Variants in GLI2 observed in about 807,000 individuals in gnomAD.
GLI2 encodes the protein GLI family zinc finger 2.
Under a neutral mutation model 78.9 loss-of-function variants are expected in GLI2, and 22 were observed. The observed-to-expected ratio is 0.28, with a 90% confidence interval of 0.20 to 0.40. GLI2 has a LOEUF of 0.40. Among genes scored for constraint, GLI2 ranks in the 10% least tolerant of loss-of-function variants. The pLI is 1.00. For missense variants in GLI2, 2,097 were observed against 2,213.2 expected (o/e 0.95, Z 1.05); for synonymous variants, 974 against 963.7 (o/e 1.01, Z -0.20).
chr2:120,911,904 G>A (rs1441863594), intron 2 of GLI2, among the ~76,000 whole-genome samples: 1 of 152,154 alleles, frequency 6.6e-6, no homozygotes, highest in African/African-American at 2.4e-5. Context: ...TTGACCCTGG[G>A]GCTGGGAGAG....
At chr2:120,876,510 A>G (rs1688755317) in intron 2 of GLI2, among the ~76,000 whole-genome samples, 1 of 152,160 alleles carries the variant, frequency 6.6e-6, no homozygotes, top group Non-Finnish European at 1.5e-5. Context: ...AAATGAGATC[A>G]AATCTCACCA....
At chr2:120,747,978 G>A (rs557643558) in intron 1 of GLI2, among the ~76,000 whole-genome samples, 2 of 152,316 alleles carry the variant, frequency 1.3e-5, no homozygotes, top group South Asian at 4.1e-4. Flanking sequence ...TTATGTGCCC[G>A]GCACTTATTA....
chr2:120,966,328 C>G (rs1202115248), intron 5 of GLI2, among the ~76,000 whole-genome samples: 3 of 152,118 alleles, frequency 2.0e-5, no homozygotes, highest in African/African-American at 7.2e-5. Flanking sequence ...ACAATTTGCC[C>G]CAAGTCATGC....
chr2:120,795,568 T>TA (rs1402168834), intron 1 of GLI2, among the ~76,000 whole-genome samples: 1 of 151,170 alleles, frequency 6.6e-6, no homozygotes, highest in Non-Finnish European at 1.5e-5. Flanking sequence ...ACAGAAAAGT[T>TA]ATAGGGCCTA....
In GLI2 at chr2:120,941,919, G is replaced by T. The variant is rs192258675; in HGVS notation, c.255-9324G>T. Among the ~76,000 whole-genome samples the T allele has an allele frequency of 3.8e-3, 585 of 152,288 alleles. 17 individuals are homozygous for T. Among genetic ancestry groups the T allele is most frequent in the Admixed American group, 0.034 (522 of 15,290 alleles). The stretch of plus-strand genomic sequence containing the variant: ...ATCCAGGCGGCAGGGGGGAAAGCCC[G>T]CTCCACAGCCCTGTGCACATGGGGA... On this transcript the variant is annotated intron_variant, in intron 3 of 13. Transcript: ENST00000361492.
intron 2 of GLI2, among the ~76,000 whole-genome samples, chr2:120,872,516 G>A (rs1688516617): frequency 6.6e-6 from 1 of 152,234 alleles, no homozygotes; most frequent in Admixed American, 6.5e-5. Context: ...CATGCTGGCT[G>A]TGTGTGGTCA....
chr2:120,787,235 C>G (rs113584882), intron 1 of GLI2, among the ~76,000 whole-genome samples: 2 of 152,048 alleles, frequency 1.3e-5, no homozygotes, highest in Non-Finnish European at 2.9e-5. Flanking sequence ...AGCATGACTG[C>G]GGTGGAATGG....
At chr2:120,904,944 C>G (rs1367999874) in intron 2 of GLI2, among the ~76,000 whole-genome samples, 1 of 152,162 alleles carries the variant, frequency 6.6e-6, no homozygotes, top group Non-Finnish European at 1.5e-5. Context: ...GACAGAGCGC[C>G]TGAGCTGCAG....
At chr2:120,790,552 G>T (rs899820999) in intron 1 of GLI2, among the ~76,000 whole-genome samples, 1 of 151,966 alleles carries the variant, frequency 6.6e-6, no homozygotes, top group Non-Finnish European at 1.5e-5. Context: ...AGGAGCTTGC[G>T]GTTCCCCTCC....
At chr2:120,776,896 G>C (rs966690802) in intron 1 of GLI2, among the ~76,000 whole-genome samples, 5 of 152,088 alleles carry the variant, frequency 3.3e-5, no homozygotes, top group Admixed American at 3.3e-4. Flanking sequence ...GGGTCTGCGT[G>C]GGGAGCTGTG....
At chr2:120,855,900 A>G (rs759099745) in intron 2 of GLI2, among the ~76,000 whole-genome samples, 1 of 152,168 alleles carries the variant, frequency 6.6e-6, no homozygotes, top group Non-Finnish European at 1.5e-5. Context: ...GAAGGCACAC[A>G]TATGTTCTAT....
chr2:120,810,372 G>A (rs955775157), intron 2 of GLI2, among the ~76,000 whole-genome samples: 3 of 152,228 alleles, frequency 2.0e-5, no homozygotes, highest in Admixed American at 6.5e-5. Context: ...AAGTGGCAGC[G>A]TTCACCAGCT....
At chr2:120,910,309 G>A (rs1678752734) in intron 2 of GLI2, among the ~76,000 whole-genome samples, 1 of 152,206 alleles carries the variant, frequency 6.6e-6, no homozygotes, top group Non-Finnish European at 1.5e-5. Flanking sequence ...AGGGCTTCTT[G>A]CCTAATCAAG....
intron 2 of GLI2, among the ~76,000 whole-genome samples, chr2:120,909,640 C>T (rs1016851649): frequency 6.6e-6 from 1 of 152,072 alleles, no homozygotes; most frequent in African/African-American, 2.4e-5. Flanking sequence ...CCGAGGCAGG[C>T]AGATCACGAG....
At chr2:120,764,928 T>A (rs1683322439) in intron 1 of GLI2, among the ~76,000 whole-genome samples, 1 of 152,218 alleles carries the variant, frequency 6.6e-6, no homozygotes, top group African/African-American at 2.4e-5. Flanking sequence ...TTTGTGTCTC[T>A]TGAGGAAATG....
At chr2:120,864,823 C>T (rs1688053583) in intron 2 of GLI2, among the ~76,000 whole-genome samples, 1 of 152,284 alleles carries the variant, frequency 6.6e-6, no homozygotes, top group East Asian at 1.9e-4. Context: ...TTCTTCAAAC[C>T]CCTCCTCCTC....
At chr2:120,893,141 G>A (rs952392194) in intron 2 of GLI2, among the ~76,000 whole-genome samples, 1 of 152,256 alleles carries the variant, frequency 6.6e-6, no homozygotes, top group African/African-American at 2.4e-5. Context: ...AGCTCAGCCT[G>A]TCCTCTGTAG....
rs1191282559 is a variant in GLI2 at position 120,990,996 on chromosome 2, C to T, written c.*321C>T. ...TTCTTCACGGCTGACATTCGGCTAA[C>T]GAGGGATTACTTTGGCCAAAACCTT... On this transcript the variant is annotated 3_prime_UTR_variant, in exon 14 of 14. Transcript: ENST00000361492. The T allele has an allele frequency of 1.3e-5, 4 of 312,564 alleles. No individual in the cohort carries two copies. Among genetic ancestry groups the T allele is most frequent in the East Asian group, 5.9e-5 (1 of 17,036 alleles). 19.4% of individuals were successfully genotyped at this position (312,564 alleles called of 1,614,324 possible).
chr2:120,912,678 G>T (rs184927033), intron 2 of GLI2, among the ~76,000 whole-genome samples: 1 of 152,300 alleles, frequency 6.6e-6, no homozygotes, highest in African/African-American at 2.4e-5. Flanking sequence ...GTTTCTCCAC[G>T]GTCCTGCCGC....
Sources: gnomAD v4.1 joint callset for allele counts (sites outside exome capture counted in the v4.1 genomes callset) on GRCh38, gnomAD v4.1.1 for gene constraint, MANE v1.5 for transcripts, NCBI Gene and HGNC (gene_info 2026-07-23, HGNC 2026-07-21) for gene names.